CSMD3: variants seen among roughly 807,000 people sequenced by gnomAD.
The protein encoded by CSMD3 is CUB and Sushi multiple domains 3, also known as CUB and sushi domain-containing protein 3.
Under a neutral mutation model 435.2 loss-of-function variants are expected in CSMD3, and 177 were observed. The ratio of observed to expected loss-of-function variants is 0.41; its 90% CI spans 0.36 to 0.46. The LOEUF is 0.46. Ranked by LOEUF, CSMD3 falls within the 20% of genes least tolerant of loss-of-function variation. The pLI is 0.34. For synonymous variants in CSMD3, 1,656 were observed against 1,520.5 expected (o/e 1.09, Z -2.07); for missense variants, 4,265 against 4,504.6 (o/e 0.95, Z 1.52).
intron 13 of CSMD3, among the ~76,000 whole-genome samples, chr8:112,735,939 T>G (rs2077177338): frequency 6.6e-6 from 1 of 152,010 alleles, no homozygotes; most frequent in South Asian, 2.1e-4. Flanking sequence ...TCTAAAATTT[T>G]TAATTATACA....
chr8:113,152,504 GT>G (rs2091831908), intron 4 of CSMD3, among the ~76,000 whole-genome samples: 1 of 152,020 alleles, frequency 6.6e-6, no homozygotes, highest in South Asian at 2.1e-4. Flanking sequence ...TGGTGACAAT[GT>G]TCCAGGAGTA....
chr8:112,702,247 G>C (rs182371915), intron 13 of CSMD3, among the ~76,000 whole-genome samples: 1 of 152,142 alleles, frequency 6.6e-6, no homozygotes, highest in Admixed American at 6.5e-5. Context: ...GCTGGCTTTT[G>C]AATACAGTCA....
At chr8:112,547,190 A>AAT (rs1827257017) in intron 27 of CSMD3, among the ~76,000 whole-genome samples, 1 of 152,132 alleles carries the variant, frequency 6.6e-6, no homozygotes, top group African/African-American at 2.4e-5. Context: ...AATTTTTATT[A>AAT]GCACTTGCTT....
intron 4 of CSMD3, among the ~76,000 whole-genome samples, chr8:113,156,276 A>T (rs980619091): frequency 7.9e-5 from 12 of 152,092 alleles, no homozygotes; most frequent in South Asian, 2.1e-4. Flanking sequence ...CAATATCTCT[A>T]CATAAGCTAT....
intron 63 of CSMD3, among the ~76,000 whole-genome samples, chr8:112,252,679 GTATATATATA>G (rs10542301): frequency 0.3 from 42,746 of 141,344 alleles, 6,488 homozygotes; most frequent in Middle Eastern, 0.48. Context: ...ATGTGTGTGT[GTATATATATA>G]TATATATATA....
intron 24 of CSMD3, among the ~76,000 whole-genome samples, chr8:112,559,245 A>C (rs575500167): frequency 6.6e-6 from 1 of 152,094 alleles, no homozygotes; most frequent in South Asian, 2.1e-4. Flanking sequence ...AGAAATTTAC[A>C]GAAATCTCTA....
At chr8:113,125,029 T>A (rs1588118219) in intron 4 of CSMD3, among the ~76,000 whole-genome samples, 2 of 152,118 alleles carry the variant, frequency 1.3e-5, no homozygotes, top group East Asian at 3.9e-4. Context: ...TACTGGAAGG[T>A]GTCTCTTTCT....
chr8:112,263,716 C>T lies in CSMD3; in HGVS notation c.9785G>A (p.Gly3262Asp), dbSNP rs764675184. The change falls in exon 61 of 71, where the codon GGC becomes GAC. Residue 3262 changes from glycine to aspartate, a missense_variant. Physicochemically the swap from Gly to Asp is moderately conservative, Grantham distance 94. Coordinates refer to ENST00000297405, the MANE Select transcript of CSMD3 (RefSeq NM_198123.2). ...AACAGCAGGGAAGGATAGCTCATAG[C>T]CTGGAGAACAGATGTAGCTAATACT... is the stretch of plus-strand genomic sequence containing the variant. ...GFSISYICSP[G>D]YELSFPAVLT... 3 of 1,613,638 alleles carry T rather than the reference C, an allele frequency of 1.9e-6. No homozygotes were observed. The highest frequency in any genetic ancestry group is 2.7e-5 in the African/African-American group (2 of 74,892).
In CSMD3 at chr8:112,685,677, G is replaced by A. The variant is rs180970683; in HGVS notation, c.2211C>T (p.Tyr737=). Reference sequence around the variant, plus strand: ...TTAAATTATTTCCATACCCTTCTGGGTAATCAGGAGAAAGAACTGTTCCCA... The same window carrying A: ...TTAAATTATTTCCATACCCTTCTGGATAATCAGGAGAAAGAACTGTTCCCA... ...APMGTVLSPD[Y]PEGYGNNLNC... Residue 737 remains tyrosine (Y), a synonymous_variant, in exon 15 of 71, where the codon TAC becomes TAT. Transcript: ENST00000297405. 28 of 1,613,572 alleles carry A rather than the reference G, an allele frequency of 1.7e-5. No individual in the cohort carries two copies. In the East Asian group the frequency reaches 5.8e-4, roughly 33 times the overall value.
At chr8:112,338,857 T>C (rs1202354516) in intron 42 of CSMD3, among the ~76,000 whole-genome samples, 1 of 152,184 alleles carries the variant, frequency 6.6e-6, no homozygotes, top group Non-Finnish European at 1.5e-5. Context: ...GGAGTTGGAA[T>C]ATATTATTCT....
At chr8:113,229,083 G>A (rs912300719) in intron 3 of CSMD3, among the ~76,000 whole-genome samples, 2 of 151,490 alleles carry the variant, frequency 1.3e-5, no homozygotes, top group Admixed American at 6.6e-5. Context: ...TCTTTGAAGT[G>A]ATGAAATGGG....
chr8:112,328,189 A>T (rs951964866), intron 45 of CSMD3, among the ~76,000 whole-genome samples: 1 of 152,150 alleles, frequency 6.6e-6, no homozygotes, highest in African/African-American at 2.4e-5. Context: ...TAATCTCATG[A>T]TTTGGGGGAG....
At chr8:112,266,993 G>T (rs1817010767) in intron 59 of CSMD3, among the ~76,000 whole-genome samples, 1 of 152,090 alleles carries the variant, frequency 6.6e-6, no homozygotes, top group Non-Finnish European at 1.5e-5. Context: ...GTAAATCTGG[G>T]TTATTTTTTT....
chr8:112,517,755 A>G (rs980553072), intron 27 of CSMD3, among the ~76,000 whole-genome samples: 1 of 152,184 alleles, frequency 6.6e-6, no homozygotes, highest in Non-Finnish European at 1.5e-5. Flanking sequence ...TAAAAAATAT[A>G]TGATAACAAT....
At chr8:113,003,163 T>C (rs1022420213) in intron 6 of CSMD3, among the ~76,000 whole-genome samples, 9 of 152,076 alleles carry the variant, frequency 5.9e-5, no homozygotes, top group African/African-American at 2.2e-4. Flanking sequence ...AAGAATCACT[T>C]GAACCCAGGC....
intron 45 of CSMD3, among the ~76,000 whole-genome samples, chr8:112,332,710 C>T (rs1275381455): frequency 2.0e-5 from 3 of 152,216 alleles, no homozygotes; most frequent in African/African-American, 7.2e-5. Flanking sequence ...CTTCATTAGG[C>T]TCTGGCAATT....
At chr8:113,351,069 T>C in intron 1 of CSMD3, among the ~76,000 whole-genome samples, 1 of 152,118 alleles carries the variant, frequency 6.6e-6, no homozygotes, top group Non-Finnish European at 1.5e-5. Context: ...ACACACTCAC[T>C]GTAGCCTTCA....
intron 1 of CSMD3, among the ~76,000 whole-genome samples, chr8:113,346,527 A>T (rs1015350978): frequency 1.1e-4 from 16 of 152,114 alleles, no homozygotes; most frequent in African/African-American, 3.1e-4. Flanking sequence ...GATTTTTTTT[A>T]AAAAATGGAA....
intron 13 of CSMD3, among the ~76,000 whole-genome samples, chr8:112,751,953 A>G (rs1047175134): frequency 9.9e-5 from 15 of 152,092 alleles, no homozygotes; most frequent in South Asian, 4.1e-4. Context: ...CCCCTAATCC[A>G]GTACATCATT....
Sources: allele counts gnomAD v4.1 joint callset (sites outside exome capture counted in the v4.1 genomes callset), GRCh38; gene constraint gnomAD v4.1.1; transcripts MANE v1.5; gene names NCBI Gene and HGNC (gene_info 2026-07-23, HGNC 2026-07-21).